Variants in BDH2 observed in about 807,000 individuals in gnomAD.
The protein encoded by BDH2 is 3-hydroxybutyrate dehydrogenase 2.
In BDH2, 24 loss-of-function variants were observed where a neutral mutation model predicts 33.2. The ratio of observed to expected loss-of-function variants is 0.72; its 90% confidence interval spans 0.52 to 1.02. BDH2 has a LOEUF of 1.02. BDH2 is among the 50% of genes least tolerant of loss of function. BDH2 has a pLI of 0.00. For missense variants in BDH2, 249 were observed against 301.6 expected (o/e 0.83, Z 1.29); for synonymous variants, 81 against 101.6 (o/e 0.80, Z 1.22).
intron 9 of BDH2, among the ~76,000 whole-genome samples, chr4:103,081,779 G>A (rs1045368085): frequency 1.3e-5 from 2 of 152,000 alleles, no homozygotes; most frequent in Non-Finnish European, 2.9e-5. Context: ...ATTTAATCAG[G>A]GTTTCCCCAA....
chr4:103,089,506 T>C (rs1747968083), intron 5 of BDH2, among the ~76,000 whole-genome samples: 1 of 152,234 alleles, frequency 6.6e-6, no homozygotes, highest in South Asian at 2.1e-4. Context: ...CATGGATAAT[T>C]GTTAAGATAT....
chr4:103,086,967 C>A (rs1330297164), intron 5 of BDH2, among the ~76,000 whole-genome samples: 1 of 152,158 alleles, frequency 6.6e-6, no homozygotes, highest in African/African-American at 2.4e-5. Flanking sequence ...AGGAGGCAAC[C>A]AGTCTGGTTA....
chr4:103,090,057 T>C (rs1748004318), intron 5 of BDH2, among the ~76,000 whole-genome samples: 1 of 152,210 alleles, frequency 6.6e-6, no homozygotes, highest in African/African-American at 2.4e-5. Context: ...AACAAAGCTC[T>C]TCTCCTGCCC....
intron 7 of BDH2, among the ~76,000 whole-genome samples, chr4:103,083,134 A>C (rs1363760279): frequency 2.6e-5 from 4 of 152,232 alleles, no homozygotes; most frequent in African/African-American, 9.6e-5. Flanking sequence ...AACACAGACT[A>C]TGATTCTTCG....
At chr4:103,081,128 G>A (rs1747504028) in intron 9 of BDH2, among the ~76,000 whole-genome samples, 1 of 152,142 alleles carries the variant, frequency 6.6e-6, no homozygotes, top group Non-Finnish European at 1.5e-5. Context: ...ACATAAAACA[G>A]AGGAGGACCT....
At chr4:103,083,354 C>T (rs1747613813) in intron 7 of BDH2, among the ~76,000 whole-genome samples, 8 of 152,152 alleles carry the variant, frequency 5.3e-5, no homozygotes, top group Non-Finnish European at 1.5e-5. Flanking sequence ...ATCTCAAAAC[C>T]ATTCTTTGCT....
chr4:103,080,187 T>A (rs1278291471), intron 9 of BDH2, among the ~76,000 whole-genome samples: 1 of 152,206 alleles, frequency 6.6e-6, no homozygotes, highest in Non-Finnish European at 1.5e-5. Context: ...ACCAGTTTTT[T>A]AAAAAAGACA....
At chr4:103,082,355 C>T (rs1345470245) in intron 8 of BDH2, among the ~76,000 whole-genome samples, 182 bp from the exon 9 acceptor site, 1 of 152,062 alleles carries the variant, frequency 6.6e-6, no homozygotes, top group Non-Finnish European at 1.5e-5. Flanking sequence ...TACTAAAACC[C>T]ACAGATATTG....
At chr4:103,084,029 CAGTGT>C (rs1327212719) in intron 7 of BDH2, among the ~76,000 whole-genome samples, 1 of 152,204 alleles carries the variant, frequency 6.6e-6, no homozygotes, top group Non-Finnish European at 1.5e-5. Context: ...CTACAGGCAA[CAGTGT>C]TGATGTACTT....
intron 7 of BDH2, among the ~76,000 whole-genome samples, chr4:103,083,281 C>T (rs1747611524): frequency 6.6e-6 from 1 of 152,054 alleles, no homozygotes; most frequent in Non-Finnish European, 1.5e-5. Flanking sequence ...TCACAATAAC[C>T]CTGAGATGTA....
At chr4:103,081,675 C>T (rs748116756) in intron 9 of BDH2, among the ~76,000 whole-genome samples, 5 of 152,208 alleles carry the variant, frequency 3.3e-5, no homozygotes, top group African/African-American at 7.2e-5. Context: ...ACACCACATG[C>T]GAATTCTGTG....
intron 1 of BDH2, among the ~76,000 whole-genome samples, chr4:103,096,740 C>A (rs1336634986): frequency 6.6e-6 from 1 of 152,000 alleles, no homozygotes; most frequent in East Asian, 1.9e-4. Context: ...GGGCTTTCAC[C>A]ATGTTGGCCA....
rs142838082 is a variant in BDH2 at position 103,086,524 on chromosome 4, G to T, written c.374C>A (p.Ser125Tyr). The T allele has an allele frequency of 1.9e-6, 3 of 1,608,062 alleles. No individual in the cohort carries two copies. Among genetic ancestry groups the T allele is most frequent in the Non-Finnish European group, 1.7e-6 (2 of 1,178,082 alleles). Residue 125 changes from serine to tyrosine, a missense_variant, in exon 6 of 10, where the codon TCT becomes TAT. Coordinates refer to ENST00000296424, the MANE Select transcript of BDH2 (RefSeq NM_020139.4). ...AFLPKMLAQK[S>Y]GNIINMSSVA... is the part of the protein sequence containing the mutation. ...AGAAGACATGTTGATAATATTGCCA[G>T]ATTTCTGAGCAAGCATCTGCCAAAA... is the stretch of plus-strand genomic sequence containing the variant.
At chr4:103,088,870 C>G in intron 5 of BDH2, among the ~76,000 whole-genome samples, 1 of 151,986 alleles carries the variant, frequency 6.6e-6, no homozygotes, top group East Asian at 1.9e-4. Flanking sequence ...CACCTCTATA[C>G]GCTGAAGACT....
At chr4:103,093,742 A>T (rs1300457038) in intron 3 of BDH2, among the ~76,000 whole-genome samples, 1 of 147,476 alleles carries the variant, frequency 6.8e-6, no homozygotes, top group Non-Finnish European at 1.5e-5. Context: ...ATAATATATA[A>T]TTATCTATAA....
intron 6 of BDH2, 66 bp from the exon 7 acceptor site, chr4:103,085,528 C>T: frequency 6.8e-7 from 1 of 1,477,338 alleles, no homozygotes; most frequent in South Asian, 1.2e-5. Flanking sequence ...AGAAAGGTAA[C>T]ACAAATAAGT....
intron 6 of BDH2, chr4:103,086,081 T>C (rs1401937895): frequency 9.8e-6 from 11 of 1,118,562 alleles, no homozygotes; most frequent in Non-Finnish European, 1.2e-5. Context: ...CTCTGTTATA[T>C]ATCATCACAC....
rs1747307662 is a variant in BDH2, at chr4:103,077,802, C to A, written c.*1900G>T. 6.6e-6 allele frequency among the ~76,000 whole-genome samples: 1 copy of A among 152,142 alleles called. No individual in the cohort carries two copies. On this transcript the variant is annotated 3_prime_UTR_variant, in exon 10 of 10. Coordinates refer to ENST00000296424, the MANE Select transcript of BDH2 (RefSeq NM_020139.4). The stretch of plus-strand genomic sequence containing the variant: ...AAGAAACCCAAGTCATTTAGCTTAA[C>A]TCCTTAATTTCATAAACCAGAAAAC...
At chr4:103,088,539 G>C (rs1747914595) in intron 5 of BDH2, among the ~76,000 whole-genome samples, 2 of 152,118 alleles carry the variant, frequency 1.3e-5, no homozygotes, top group South Asian at 4.1e-4. Flanking sequence ...TCCAGGTCAG[G>C]AGCTGTCGTC....
Sources: gnomAD v4.1 joint callset for allele counts (sites outside exome capture counted in the v4.1 genomes callset) on GRCh38, gnomAD v4.1.1 for gene constraint, MANE v1.5 for transcripts, NCBI Gene and HGNC (gene_info 2026-07-23, HGNC 2026-07-21) for gene names.